DBNL: variants seen among roughly 807,000 people sequenced by gnomAD.
DBNL encodes the protein drebrin-like protein.
Under a neutral mutation model 62.2 loss-of-function variants are expected in DBNL, and 35 were observed. That is an observed-to-expected ratio of 0.56 (90% CI 0.43 to 0.75). The LOEUF (loss-of-function observed/expected upper bound fraction) is 0.75. DBNL is among the 30% of genes least tolerant of loss of function. The pLI, the probability that DBNL is intolerant of heterozygous loss-of-function variation, is 0.00. For missense variants in DBNL, 495 were observed against 578.4 expected (o/e 0.86, Z 1.48); for synonymous variants, 197 against 218.0 (o/e 0.90, Z 0.85).
chr7:44,056,890 C>T lies in DBNL; in HGVS notation c.461C>T (p.Pro154Leu), dbSNP rs1214205182. ...KESGRFQDVGPQAPVGSVYQK... is the reference protein window; with the variant it reads ...KESGRFQDVGLQAPVGSVYQK... ...AGTGGCCGCTTCCAGGACGTGGGAC[C>T]CCAGGCCCCAGTGGTGAGTGCTGCT... is the stretch of plus-strand genomic sequence containing the variant. The change falls in exon 5 of 13, where the codon CCC becomes CTC. Residue 154 changes from proline (P) to leucine (L), a missense_variant. By Grantham distance (98) the Pro-to-Leu change is moderately conservative. Coordinates refer to ENST00000448521, the MANE Select transcript of DBNL (RefSeq NM_001014436.3). The T allele has an allele frequency of 1.2e-6, 2 of 1,613,814 alleles. No individual in the cohort carries two copies. The highest frequency in any genetic ancestry group is 1.1e-5 in the South Asian group (1 of 91,084).
In DBNL at chr7:44,067,277, G is replaced by A. The variant is rs1465432175; in HGVS notation, c.*6361G>A. 2.6e-5 allele frequency: 4 copies of A among 152,316 alleles called. No homozygotes were observed. The highest frequency in any genetic ancestry group is 9.6e-5 in the African/African-American group (4 of 41,468). 9.4% of individuals were successfully genotyped at this position (152,316 alleles called of 1,614,324 possible). Reference sequence around the variant, plus strand: ...GGCACATGGCAGAGAGGTGGGCTTTGTGTCCCAACACAGTGGGAATCACTG... The same window carrying A: ...GGCACATGGCAGAGAGGTGGGCTTTATGTCCCAACACAGTGGGAATCACTG... On this transcript the variant is annotated 3_prime_UTR_variant, in exon 13 of 13. Coordinates refer to ENST00000448521, the MANE Select transcript of DBNL (RefSeq NM_001014436.3).
chr7:44,050,926 G>T (rs145441958), intron 2 of DBNL: 1 of 152,326 alleles, frequency 6.6e-6, no homozygotes, highest in Non-Finnish European at 1.5e-5. Flanking sequence ...GGTTCTCCAC[G>T]GTTTGATGTC....
In DBNL at chr7:44,051,938, A is replaced by G. The variant is rs755514192; in HGVS notation, c.248A>G (p.Asn83Ser). 6.2e-7 allele frequency: 1 copy of G among 1,614,050 alleles called. No homozygotes were observed. Among genetic ancestry groups the G allele is most frequent in the South Asian group, 1.1e-5 (1 of 91,082 alleles). ...NSGLPKFVLINWTGEGVNDVR... is the reference protein window; with the variant it reads ...NSGLPKFVLISWTGEGVNDVR... ...GGACTGCCCAAATTTGTCCTCATCA[A>G]CTGGGTATGTGGAGCCTGTTTCATC... Residue 83 changes from asparagine to serine, a missense_variant, in exon 3 of 13, where the codon AAC becomes AGC. Physicochemically the swap from Asn to Ser is conservative, Grantham distance 46. Transcript: ENST00000448521.
rs565684764 is a variant in DBNL, at chr7:44,062,686, C to T, written c.*1770C>T. The T allele has an allele frequency of 1.7e-5, 25 of 1,481,714 alleles. No homozygotes were observed. Among genetic ancestry groups the T allele is most frequent in the African/African-American group, 4.1e-5 (3 of 72,314 alleles). The allele number at this position is 1,481,714 out of a possible 1,614,324, so 91.8% of individuals were successfully genotyped here. On this transcript the variant is annotated 3_prime_UTR_variant, in exon 13 of 13. Transcript: ENST00000448521. Reference sequence around the variant, plus strand: ...GTTCTGGAGTCCCCACAGCTGATGGCGGTGTGAGCCTGGCATGCACGGCTG... The same window carrying T: ...GTTCTGGAGTCCCCACAGCTGATGGTGGTGTGAGCCTGGCATGCACGGCTG...
Position 44,059,788 on chromosome 7 carries a change from GT to G in DBNL, c.1047+132del. The G allele has an allele frequency of 1.0e-6, 1 of 969,220 alleles. No individual in the cohort carries two copies. The highest frequency in any genetic ancestry group is 1.5e-6 in the Non-Finnish European group (1 of 662,434). The allele number at this position is 969,220 out of a possible 1,614,324, so 60.0% of individuals were successfully genotyped here. A position where few individuals can be genotyped will look rare whatever the true frequency, so the allele number is the denominator to read the frequency against. ...ACATGCATTTTTGGAGCAGCCCTGT[GT>G]TATAAATTGTCAGGGCACGCCCCAC... On this transcript the variant is annotated intron_variant, in intron 11 of 12. Transcript: ENST00000448521. The surrounding 1 kb of genome is among the most constrained non-coding windows in gnomAD (Gnocchi z 4.1).
rs565582762 is a variant in DBNL, at chr7:44,052,048, T to C, written c.252+106T>C. The stretch of plus-strand genomic sequence containing the variant: ...AAAGTGTTTTACTGGCATGACTTAG[T>C]AGATCAATAGAACAGCTCTGAGCTG... On this transcript the variant is annotated intron_variant, in intron 3 of 12. Transcript: ENST00000448521. 6 of 884,092 alleles carry C rather than the reference T, an allele frequency of 6.8e-6. No individual in the cohort carries two copies. The African/African-American group carries it at 9.9e-5, about 15-fold the overall frequency. The allele number at this position is 884,092 out of a possible 1,614,324, so 54.8% of individuals were successfully genotyped here. A position where few individuals can be genotyped will look rare whatever the true frequency, so the allele number is the denominator to read the frequency against.
chr7:44,064,797 A>AG lies in DBNL; in HGVS notation c.*3881_*3882insG. On this transcript the variant is annotated 3_prime_UTR_variant, in exon 13 of 13. Transcript: ENST00000448521. The stretch of plus-strand genomic sequence containing the variant: ...GAGAAGCCAGCTGGGGCTGCTGCCC[A>AG]CCCACCCTGCCCAGGCTCCTGAAGG... 4 of 633,292 alleles carry AG rather than the reference A, an allele frequency of 6.3e-6. No homozygotes were observed. Among genetic ancestry groups the AG allele is most frequent in the Non-Finnish European group, 8.3e-6 (3 of 361,382 alleles). 39.2% of individuals were successfully genotyped at this position (633,292 alleles called of 1,614,324 possible).
chr7:44,065,297 C>T lies in DBNL; in HGVS notation c.*4381C>T, dbSNP rs10250779. The T allele has an allele frequency of 3.8e-4, 618 of 1,613,696 alleles. 5 individuals are homozygous for T. The African/African-American group carries it at 7.5e-3, about 20-fold the overall frequency. On this transcript the variant is annotated 3_prime_UTR_variant, in exon 13 of 13. Coordinates refer to ENST00000448521, the MANE Select transcript of DBNL (RefSeq NM_001014436.3). ...GCGCCAAGTGCGCACCACAGGCAGC[C>T]ACATCTGGTCCGTGCCGTCCAGGAT... is the stretch of plus-strand genomic sequence containing the variant.
In DBNL at chr7:44,058,132, G is replaced by A; in HGVS notation, c.556G>A (p.Glu186Lys). 1.3e-6 allele frequency: 2 copies of A among 1,554,774 alleles called. No homozygotes were observed. Among genetic ancestry groups the A allele is most frequent in the Non-Finnish European group, 1.7e-6 (2 of 1,149,168 alleles). The change falls in exon 7 of 13, where the codon GAG (glutamate) becomes AAG (lysine). Residue 186 changes from glutamate to lysine, a missense_variant. By Grantham distance (56) the Glu-to-Lys change is moderately conservative (BLOSUM62 1). Coordinates refer to ENST00000448521, the MANE Select transcript of DBNL (RefSeq NM_001014436.3). ...CGGGCAGTGGCTCTCCCTGCAGAAG[G>A]AGGAGGAGAACCGTCGGCTGGAGGA... ...KDSFWAKAEK[E>K]EENRRLEEKR...
In DBNL at chr7:44,060,955, G is replaced by C; in HGVS notation, c.*39G>C. 2 of 1,600,530 alleles carry C rather than the reference G, an allele frequency of 1.2e-6. No individual in the cohort carries two copies. Among genetic ancestry groups the C allele is most frequent in the Non-Finnish European group, 1.7e-6 (2 of 1,172,436 alleles). On this transcript the variant is annotated 3_prime_UTR_variant, in exon 13 of 13. Coordinates refer to ENST00000448521, the MANE Select transcript of DBNL (RefSeq NM_001014436.3). This position sits in a 1 kb window ranked among gnomAD's most constrained non-coding sequence, Gnocchi z 6.3. ...TCTTGCCCTTCCCCTCTCAGACATG[G>C]CTTCCTTATTGCTGGAAGAGGAGGC...
In DBNL at chr7:44,058,177, G is replaced by T. The variant is rs1363541876; in HGVS notation, c.601G>T (p.Ala201Ser). ...GGAGGAAAAGCGGCGGGCCGAGGAG[G>T]CACAGCGGCAGCTGGAGCAGGAGCG... is the stretch of plus-strand genomic sequence containing the variant. ...RLEEKRRAEE[A>S]QRQLEQERRE... Residue 201 changes from alanine to serine, a missense_variant, in exon 7 of 13, where the codon GCA (alanine) becomes TCA (serine). Physicochemically the swap from Ala to Ser is moderately conservative, Grantham distance 99. Transcript: ENST00000448521. 1 of 1,556,206 alleles carries T rather than the reference G, an allele frequency of 6.4e-7. No individual in the cohort carries two copies. The highest frequency in any genetic ancestry group is 8.7e-7 in the Non-Finnish European group (1 of 1,150,506).
Position 44,058,028 on chromosome 7 carries a change from C to G in DBNL, c.553-101C>G, listed in dbSNP as rs2096139685. On this transcript the variant is annotated intron_variant, in intron 6 of 12. Transcript: ENST00000448521. ...CCACAAGGCTAATGATCGACTGGCTCTGGTGCCCGTCTTTGGCCATGTGCC... is the reference window on the plus strand; with the variant it reads ...CCACAAGGCTAATGATCGACTGGCTGTGGTGCCCGTCTTTGGCCATGTGCC... 1.1e-5 allele frequency: 16 copies of G among 1,521,964 alleles called. No homozygotes were observed. In the South Asian group the frequency reaches 2.0e-4, roughly 19 times the overall value. 94.3% of individuals were successfully genotyped at this position (1,521,964 alleles called of 1,614,324 possible). A position where few individuals can be genotyped will look rare whatever the true frequency, so the allele number is the denominator to read the frequency against.
At position 44,064,648 on chromosome 7, in the gene DBNL, TAC is replaced by T. The variant is rs553182528; in HGVS notation, c.*3736_*3737del. The T allele has an allele frequency of 4.9e-4, 313 of 636,444 alleles. No individual in the cohort carries two copies. The African/African-American group carries it at 5.1e-3, about 10-fold the overall frequency. 39.4% of individuals were successfully genotyped at this position (636,444 alleles called of 1,614,324 possible). On this transcript the variant is annotated 3_prime_UTR_variant, in exon 13 of 13. Coordinates refer to ENST00000448521, the MANE Select transcript of DBNL (RefSeq NM_001014436.3). ...CAGCCCCTGTGGAGTGTGTCCCAGT[TAC>T]ACAGAAATGGGGAAAATTTCACAAA...
At chr7:44,058,009 G>A in intron 6 of DBNL, 120 bp from the exon 7 acceptor site, 1 of 1,522,562 alleles carries the variant, frequency 6.6e-7, no homozygotes, top group Admixed American at 2.0e-5. Flanking sequence ...TAAGCCACAA[G>A]GCTAATGATC....
Position 44,067,466 on chromosome 7 carries a change from C to T in DBNL, c.*6550C>T, listed in dbSNP as rs1304713393. The T allele has an allele frequency of 6.6e-6, 1 of 152,178 alleles. No individual in the cohort carries two copies. The highest frequency in any genetic ancestry group is 2.4e-5 in the African/African-American group (1 of 41,430). The allele number at this position is 152,178 out of a possible 1,614,324, so 9.4% of individuals were successfully genotyped here. On this transcript the variant is annotated 3_prime_UTR_variant, in exon 13 of 13. Coordinates refer to ENST00000448521, the MANE Select transcript of DBNL (RefSeq NM_001014436.3). ...CAAGGATCCCCCAGACCTGGGAGAC[C>T]TCACTGCCAACCAAGCAGGAGGTGT...
chr7:44,056,668 G>T, intron 4 of DBNL, 89 bp from the exon 5 acceptor site: 1 of 1,540,592 alleles, frequency 6.5e-7, no homozygotes, highest in Non-Finnish European at 8.8e-7. Flanking sequence ...GTGTGGTATA[G>T]TAGTGGCCCG....
intron 5 of DBNL, 45 bp from the exon 6 acceptor site, chr7:44,057,737 C>T: frequency 6.2e-7 from 1 of 1,608,158 alleles, no homozygotes; most frequent in Non-Finnish European, 8.5e-7. Flanking sequence ...GTGGGCCTGG[C>T]CTTCCACCTG....
In DBNL at chr7:44,066,504, C is replaced by G. The variant is rs956427520; in HGVS notation, c.*5588C>G. 1 of 152,322 alleles carries G rather than the reference C, an allele frequency of 6.6e-6. No individual in the cohort carries two copies. Among genetic ancestry groups the G allele is most frequent in the Non-Finnish European group, 1.5e-5 (1 of 68,090 alleles). The allele number at this position is 152,322 out of a possible 1,614,324, so 9.4% of individuals were successfully genotyped here. A position where few individuals can be genotyped will look rare whatever the true frequency, so the allele number is the denominator to read the frequency against. ...CTAATGAAGGGGCCATGGCCAGACC[C>G]TTGGGCATGGGCCCCATCCAGGGCC... On this transcript the variant is annotated 3_prime_UTR_variant, in exon 13 of 13. Coordinates refer to ENST00000448521, the MANE Select transcript of DBNL (RefSeq NM_001014436.3).
At chr7:44,055,191 C>T (rs773230015) in intron 4 of DBNL, among the ~76,000 whole-genome samples, 15 of 152,088 alleles carry the variant, frequency 9.9e-5, no homozygotes, top group Non-Finnish European at 1.6e-4. Flanking sequence ...GTTGTCTAGG[C>T]GCGATGGCTC....
Sources: allele counts gnomAD v4.1 joint callset (sites outside exome capture counted in the v4.1 genomes callset), GRCh38; gene constraint gnomAD v4.1.1; non-coding constraint Gnocchi (gnomAD v3.1); transcripts MANE v1.5; gene names NCBI Gene and HGNC (gene_info 2026-07-23, HGNC 2026-07-21).